Variants in SOAT1 observed in about 807,000 individuals in gnomAD.
SOAT1 encodes acyl-coenzyme A:cholesterol acyltransferase 1.
In SOAT1, 55 loss-of-function variants were observed where a neutral mutation model predicts 69.5. The observed-to-expected ratio is 0.79, with a 90% CI of 0.64 to 0.99. The LOEUF (loss-of-function observed/expected upper bound fraction) is 0.99. Ranked by LOEUF, SOAT1 falls within the 50% of genes least tolerant of loss-of-function variation. SOAT1 has a pLI of 0.00. For synonymous variants in SOAT1, 231 were observed against 224.7 expected (o/e 1.03, Z -0.25); for missense variants, 580 against 669.3 (o/e 0.87, Z 1.47).
Position 179,353,749 on chromosome 1 carries a change from C to T in SOAT1, c.*108C>T. ...AGTTATCTGTGTTATTTGGACCACT[C>T]CAGGCTTTACAGATGACTCACTCCA... On this transcript the variant is annotated 3_prime_UTR_variant, in exon 16 of 16. Coordinates refer to ENST00000367619, the MANE Select transcript of SOAT1 (RefSeq NM_003101.6). 1.1e-6 allele frequency: 1 copy of T among 920,330 alleles called. No individual in the cohort carries two copies. Among genetic ancestry groups the T allele is most frequent in the Non-Finnish European group, 1.7e-6 (1 of 578,584 alleles). 57.0% of individuals were successfully genotyped at this position (920,330 alleles called of 1,614,324 possible).
chr1:179,344,353 G>GTTTT (rs1553247808), intron 10 of SOAT1, among the ~76,000 whole-genome samples: 7 of 14,174 alleles, frequency 4.9e-4, no homozygotes, highest in Non-Finnish European at 9.0e-4. Flanking sequence ...TCATTAAGGG[G>GTTTT]TTTTTTTTTT....
At chr1:179,349,054 G>A (rs1666633476) in intron 13 of SOAT1, 112 bp downstream of exon 13, 1 of 665,586 alleles carries the variant, frequency 1.5e-6, no homozygotes, top group African/African-American at 1.8e-5. Flanking sequence ...TGAGGAAAGG[G>A]TGATAGTATC....
chr1:179,311,975 A>C (rs1020841405), intron 2 of SOAT1, among the ~76,000 whole-genome samples: 2 of 152,220 alleles, frequency 1.3e-5, no homozygotes, highest in African/African-American at 2.4e-5. Context: ...TTCCTCTGAC[A>C]CAGAAATGTT....
intron 2 of SOAT1, among the ~76,000 whole-genome samples, chr1:179,312,591 A>G (rs1332789629): frequency 6.6e-6 from 1 of 152,188 alleles, no homozygotes; most frequent in East Asian, 1.9e-4. Flanking sequence ...TGGGAGACTG[A>G]CGTTAAGAAC....
intron 12 of SOAT1, among the ~76,000 whole-genome samples, chr1:179,347,973 CTG>C (rs1558058903): frequency 6.6e-6 from 1 of 152,156 alleles, no homozygotes; most frequent in Non-Finnish European, 1.5e-5. Flanking sequence ...CAGTAGGAAA[CTG>C]TTTGTTCAGA....
At chr1:179,336,472 A>AC in intron 4 of SOAT1, among the ~76,000 whole-genome samples, 2 of 36,334 alleles carry the variant, frequency 5.5e-5, no homozygotes, top group South Asian at 1.4e-3. Flanking sequence ...CCTGTCTCCA[A>AC]AAAAAAAAAA....
chr1:179,340,260 C>A (rs949269314), intron 6 of SOAT1, among the ~76,000 whole-genome samples: 3 of 152,080 alleles, frequency 2.0e-5, no homozygotes, highest in Non-Finnish European at 2.9e-5. Flanking sequence ...TTTGGGAGGC[C>A]GAGGCGGGAG....
At chr1:179,331,113 T>A (rs1665956458) in intron 3 of SOAT1, among the ~76,000 whole-genome samples, 1 of 152,242 alleles carries the variant, frequency 6.6e-6, no homozygotes, top group Non-Finnish European at 1.5e-5. Flanking sequence ...CAAGTGTGAC[T>A]ATACATTTTT....
chr1:179,301,243 A>T (rs1365032070), intron 1 of SOAT1, among the ~76,000 whole-genome samples: 1 of 152,218 alleles, frequency 6.6e-6, no homozygotes, highest in African/African-American at 2.4e-5. Flanking sequence ...AGGGAAACAC[A>T]TGGCTTTAGA....
Position 179,342,888 on chromosome 1 carries a change from C to T in SOAT1, c.886C>T (p.Gln296Ter). The T allele has an allele frequency of 6.2e-7, 1 of 1,613,636 alleles. No individual in the cohort carries two copies. The highest frequency in any genetic ancestry group is 8.5e-7 in the Non-Finnish European group (1 of 1,179,624). The change falls in exon 9 of 16, where the codon CAG (glutamine) becomes TAG (stop). Residue 296 changes from glutamine to a stop codon, truncating the protein, a stop_gained. Coordinates refer to ENST00000367619, the MANE Select transcript of SOAT1 (RefSeq NM_003101.6). LOFTEE classifies it high-confidence loss of function. ...SSTVPIPTVN[Q>*]YLYFLFAPTL... ...CACTGTTCCAATACCTACAGTCAACCAGTATTTGTACTTCTTATTTGCTCC... is the reference window on the plus strand; with the variant it reads ...CACTGTTCCAATACCTACAGTCAACTAGTATTTGTACTTCTTATTTGCTCC...
chr1:179,304,904 A>T (rs1437387160), intron 2 of SOAT1, among the ~76,000 whole-genome samples: 2 of 152,326 alleles, frequency 1.3e-5, no homozygotes, highest in East Asian at 3.9e-4. Context: ...CCGACCTCCC[A>T]AAGTGCTGGT....
At chr1:179,295,966 A>ATTTTTT (rs58893158) in intron 1 of SOAT1, among the ~76,000 whole-genome samples, 3 of 52,022 alleles carry the variant, frequency 5.8e-5, no homozygotes, top group African/African-American at 2.6e-4. Context: ...CGCCCGGCTA[A>ATTTTTT]TTTTTTTTTT....
intron 2 of SOAT1, among the ~76,000 whole-genome samples, chr1:179,321,060 C>T (rs2484446): frequency 0.26 from 39,282 of 151,910 alleles, 5,273 homozygotes; most frequent in African/African-American, 0.31. Flanking sequence ...GTGTCTGCCA[C>T]CATGCCTGGA....
chr1:179,352,326 T>A (rs1317741374), intron 15 of SOAT1, among the ~76,000 whole-genome samples: 2 of 152,056 alleles, frequency 1.3e-5, no homozygotes, highest in Non-Finnish European at 2.9e-5. Context: ...ACACTCTGGT[T>A]AATTTAATTG....
At chr1:179,316,795 T>G (rs1665411514) in intron 2 of SOAT1, among the ~76,000 whole-genome samples, 1 of 152,212 alleles carries the variant, frequency 6.6e-6, no homozygotes, top group Non-Finnish European at 1.5e-5. Context: ...CCTCAAATAT[T>G]ATCTCTCTGT....
intron 2 of SOAT1, among the ~76,000 whole-genome samples, chr1:179,307,023 A>G (rs1224255567): frequency 6.6e-6 from 1 of 152,176 alleles, no homozygotes; most frequent in Non-Finnish European, 1.5e-5. Context: ...TTAATGTTAA[A>G]TGAAAGACGA....
At chr1:179,312,028 G>A (rs1027448103) in intron 2 of SOAT1, among the ~76,000 whole-genome samples, 6 of 152,156 alleles carry the variant, frequency 3.9e-5, no homozygotes, top group African/African-American at 7.2e-5. Context: ...AAACATAGAA[G>A]ACATTTAAGG....
At chr1:179,341,400 G>T in intron 7 of SOAT1, 90 bp downstream of exon 7, 1 of 1,278,900 alleles carries the variant, frequency 7.8e-7, no homozygotes, top group Admixed American at 2.3e-5. Flanking sequence ...ATTTTTAGCT[G>T]TATTAACTTG....
At chr1:179,326,385 A>G (rs1009577181) in intron 3 of SOAT1, among the ~76,000 whole-genome samples, 9 of 152,192 alleles carry the variant, frequency 5.9e-5, no homozygotes, top group African/African-American at 2.4e-5. Context: ...TTATACCCCT[A>G]CTATATACTC....
Sources: allele counts gnomAD v4.1 joint callset (sites outside exome capture counted in the v4.1 genomes callset), GRCh38; gene constraint gnomAD v4.1.1; transcripts MANE v1.5; gene names NCBI Gene and HGNC (gene_info 2026-07-23, HGNC 2026-07-21).